The following MYH4 variants were observed in gnomAD, a reference collection of about 807,000 sequenced individuals.
MYH4 encodes myosin heavy chain 4, also known as myosin-4.
A neutral mutation model predicts 229.9 loss-of-function variants in MYH4; 200 were observed. That is an observed-to-expected ratio of 0.87 (90% confidence interval 0.78 to 0.98). The LOEUF (loss-of-function observed/expected upper bound fraction) is 0.98. Ranked by LOEUF, MYH4 falls within the 50% of genes least tolerant of loss-of-function variation. The pLI is 0.00. For missense variants in MYH4, 2,148 were observed against 2,332.6 expected, an observed-to-expected ratio of 0.92 and a Z score of 1.63; for synonymous variants, 761 against 834.6, an observed-to-expected ratio of 0.91 and a Z score of 1.52.
Position 10,445,232 on chromosome 17 carries a change from C to G in MYH4, c.5295+5G>C, listed in dbSNP as rs766656917. The G allele has an allele frequency of 3.1e-6, 5 of 1,614,174 alleles. No homozygotes were observed. Among genetic ancestry groups the G allele is most frequent in the Admixed American group, 3.3e-5 (2 of 60,024 alleles). On this transcript the variant is annotated splice_donor_5th_base_variant and intron_variant, in intron 36 of 39. Coordinates refer to ENST00000255381, the MANE Select transcript of MYH4 (RefSeq NM_017533.2). ...GTCAGTAAGACAAATGCTCATCTTG[C>G]TTACATCAGTGATGGCCTTCTTGGC...
At chr17:10,458,630 G>T (rs1024587337) in intron 15 of MYH4, among the ~76,000 whole-genome samples, 3 of 152,108 alleles carry the variant, frequency 2.0e-5, no homozygotes, top group Non-Finnish European at 4.4e-5. Context: ...TATATGACAA[G>T]CTCCCAAGAT....
In MYH4 at chr17:10,465,484, T is replaced by A; in HGVS notation, c.463A>T (p.Ile155Phe). ...GKKRQEAPPH[I>F]FSISDNAYQF... ...TAGGCATTGTCAGAGATGGAGAAGA[T>A]ATGGGGTGGGGCCTCCTGGCGCTTT... is the stretch of plus-strand genomic sequence containing the variant. The change falls in exon 5 of 40, where the codon ATC becomes TTC. Residue 155 changes from isoleucine to phenylalanine, a missense_variant. Physicochemically the swap from Ile to Phe is conservative, Grantham distance 21. Coordinates refer to ENST00000255381, the MANE Select transcript of MYH4 (RefSeq NM_017533.2). 1.2e-6 allele frequency: 2 copies of A among 1,614,076 alleles called. No individual in the cohort carries two copies. Among genetic ancestry groups the A allele is most frequent in the Non-Finnish European group, 1.7e-6 (2 of 1,180,020 alleles).
chr17:10,466,690 T>C lies in MYH4; in HGVS notation c.56A>G (p.Lys19Arg). Residue 19 changes from lysine to arginine, a missense_variant, in exon 3 of 40, where the codon AAG (lysine) becomes AGG (arginine). By Grantham distance (26) the Lys-to-Arg change is conservative. Transcript: ENST00000255381. ...AGCTTCAATTCGCTCCTTTTCAGAC[T>C]TTCGGAGGAAAGGAGCAGCCTCCCC... is the stretch of plus-strand genomic sequence containing the variant. Reference protein sequence around the residue: ...IFGEAAPFLRKSEKERIEAQN... With the variant: ...IFGEAAPFLRRSEKERIEAQN... 6.2e-7 allele frequency: 1 copy of C among 1,614,184 alleles called. No homozygotes were observed. Among genetic ancestry groups the C allele is most frequent in the Non-Finnish European group, 8.5e-7 (1 of 1,180,042 alleles).
intron 16 of MYH4, 58 bp from the exon 17 acceptor site, chr17:10,456,613 A>G (rs2072641822): frequency 9.9e-6 from 14 of 1,412,500 alleles, no homozygotes; most frequent in South Asian, 2.3e-5. Flanking sequence ...AGTACTATCC[A>G]TAAACATCAG....
At position 10,453,796 on chromosome 17, in the gene MYH4, A is replaced by G; in HGVS notation, c.2781T>C (p.Thr927=). The G allele has an allele frequency of 6.2e-7, 1 of 1,614,024 alleles. No individual in the cohort carries two copies. The highest frequency in any genetic ancestry group is 8.5e-7 in the Non-Finnish European group (1 of 1,179,992). ...TCTCTTCCTCATCCTCAGCTCTTTC[A>G]GTTACCTCTTTGATTTTGGCCTCAA... ...IQLEAKIKEV[T]ERAEDEEEIN... Residue 927 remains threonine (T), a synonymous_variant, in exon 23 of 40, where the codon ACT becomes ACC. Transcript: ENST00000255381.
chr17:10,455,670 G>A lies in MYH4; in HGVS notation c.2118C>T (p.Ile706=). ...TTGGGAAGCCTTTCCTGCAGATGCG[G>A]ATGCCTTCCAGCACACCGTTACACC... is the stretch of plus-strand genomic sequence containing the variant. ...QLRCNGVLEG[I]RICRKGFPSR... Residue 706 remains isoleucine (I), a synonymous_variant, in exon 19 of 40, where the codon ATC becomes ATT. Coordinates refer to ENST00000255381, the MANE Select transcript of MYH4 (RefSeq NM_017533.2). The A allele has an allele frequency of 6.2e-7, 1 of 1,614,114 alleles. No homozygotes were observed. Among genetic ancestry groups the A allele is most frequent in the Non-Finnish European group, 8.5e-7 (1 of 1,179,982 alleles).
At chr17:10,464,766 C>G (rs1015077386) in intron 5 of MYH4, 58 bp from the exon 6 acceptor site, 7 of 1,535,774 alleles carry the variant, frequency 4.6e-6, no homozygotes, top group Non-Finnish European at 6.3e-6. Flanking sequence ...CATAGGTCAA[C>G]GCAGTACTTA....
At chr17:10,451,555 T>A in intron 27 of MYH4, 103 bp from the exon 28 acceptor site, 1 of 1,279,760 alleles carries the variant, frequency 7.8e-7, no homozygotes, top group African/African-American at 1.5e-5. Flanking sequence ...GATTTTTATT[T>A]ACTTTTCTAT....
intron 17 of MYH4, 67 bp downstream of exon 17, chr17:10,456,418 A>T (rs1365449480): frequency 1.5e-6 from 2 of 1,332,316 alleles, no homozygotes; most frequent in Non-Finnish European, 1.1e-6. Context: ...CTTTTAAAAA[A>T]TTTTCTGTTT....
intron 16 of MYH4, 148 bp downstream of exon 16, chr17:10,457,272 A>G (rs2072650879): frequency 1.1e-6 from 1 of 885,884 alleles, no homozygotes; most frequent in Non-Finnish European, 1.6e-6. Context: ...GTAAGACTGT[A>G]TCACAGTTAT....
At chr17:10,465,248 A>G (rs980196895) in intron 5 of MYH4, among the ~76,000 whole-genome samples, 194 bp downstream of exon 5, 2 of 152,258 alleles carry the variant, frequency 1.3e-5, no homozygotes, top group African/African-American at 4.8e-5. Context: ...AGTGCTTAGC[A>G]TAGAAATCTA....
rs2072507858 is a variant in MYH4, at chr17:10,445,974, G to A, written c.5170-612C>T. 2.2e-5 allele frequency among the ~76,000 whole-genome samples: 3 copies of A among 138,874 alleles called. No individual in the cohort carries two copies. The South Asian group carries it at 7.2e-4, about 33-fold the overall frequency. 91.1% of individuals were successfully genotyped at this position (138,874 alleles called of 152,430 possible). On this transcript the variant is annotated intron_variant, in intron 35 of 39. Transcript: ENST00000255381. Reference sequence around the variant, plus strand: ...ACATGGGAGTCGGAGCTTGCTGTGAGCCGAGATCGCACCACTGCACTCCAG... The same window carrying A: ...ACATGGGAGTCGGAGCTTGCTGTGAACCGAGATCGCACCACTGCACTCCAG...
At chr17:10,450,413 CT>C in intron 30 of MYH4, 39 bp downstream of exon 30, 1 of 1,613,696 alleles carries the variant, frequency 6.2e-7, no homozygotes. Flanking sequence ...ACTGCCTTTA[CT>C]TTTATTTCTT....
chr17:10,461,338 T>C (rs1266783433), intron 11 of MYH4, among the ~76,000 whole-genome samples: 1 of 152,212 alleles, frequency 6.6e-6, no homozygotes, highest in African/African-American at 2.4e-5. Flanking sequence ...TGACTTTTGA[T>C]GCCAAGGCCA....
chr17:10,459,456 A>C, intron 14 of MYH4, 35 bp from the exon 15 acceptor site: 1 of 1,614,180 alleles, frequency 6.2e-7, no homozygotes, highest in South Asian at 1.1e-5. Context: ...AATTACGCAT[A>C]ACAAGTATTC....
intron 14 of MYH4, 77 bp from the exon 15 acceptor site, chr17:10,459,498 T>C: frequency 1.9e-6 from 3 of 1,607,840 alleles, no homozygotes; most frequent in South Asian, 2.2e-5. Context: ...TATTTTCTTC[T>C]GAATTTAAGG....
chr17:10,452,861 A>C lies in MYH4; in HGVS notation c.3183T>G (p.Gly1061=), dbSNP rs778270252. Residue 1061 remains glycine, a synonymous_variant, in exon 25 of 40, where the codon GGT becomes GGG. Coordinates refer to ENST00000255381, the MANE Select transcript of MYH4 (RefSeq NM_017533.2). Reference sequence around the variant, plus strand: ...TGGATTCTTGGGCCAATTTTAGGTCACCCTCCAGTTTTCTCTTGGCTCTTT... The same window carrying C: ...TGGATTCTTGGGCCAATTTTAGGTCCCCCTCCAGTTTTCTCTTGGCTCTTT... ...DLERAKRKLE[G]DLKLAQESTM... is the part of the protein sequence containing the mutation. 1 of 1,608,786 alleles carries C rather than the reference A, an allele frequency of 6.2e-7. No individual in the cohort carries two copies. Among genetic ancestry groups the C allele is most frequent in the South Asian group, 1.1e-5 (1 of 89,040 alleles).
At chr17:10,453,964 T>A (rs3826444) in intron 22 of MYH4, 79 bp from the exon 23 acceptor site, 1 of 1,566,648 alleles carries the variant, frequency 6.4e-7, no homozygotes, top group Non-Finnish European at 8.6e-7. Context: ...AGGTGGAAAT[T>A]TCAGTGACTA....
chr17:10,449,091 T>C (rs1249275716), intron 30 of MYH4, 44 bp from the exon 31 acceptor site: 2 of 1,557,410 alleles, frequency 1.3e-6, no homozygotes, highest in African/African-American at 2.7e-5. Context: ...AGACTCAGAG[T>C]CACCACAGTG....
Sources: allele counts gnomAD v4.1 joint callset (sites outside exome capture counted in the v4.1 genomes callset), GRCh38; gene constraint gnomAD v4.1.1; transcripts MANE v1.5; gene names NCBI Gene and HGNC (gene_info 2026-07-23, HGNC 2026-07-21).